CBX5: variants seen among roughly 807,000 people sequenced by gnomAD.
The protein encoded by CBX5 is chromobox 5.
Under a neutral mutation model 20.7 loss-of-function variants are expected in CBX5, and 7 were observed. That is an observed-to-expected ratio of 0.34 (90% CI 0.19 to 0.63). CBX5 has a LOEUF of 0.63. CBX5 is among the 30% of genes least tolerant of loss of function. The probability of loss-of-function intolerance (pLI) is 0.75; values close to 1 mark genes in which losing one functional copy is unlikely to be tolerated. For synonymous variants in CBX5, 78 were observed against 77.0 expected (o/e 1.01, Z -0.07); for missense variants, 110 against 224.1 (o/e 0.49, Z 3.25).
In CBX5 at chr12:54,233,602, A is replaced by C. The variant is rs2137003162; in HGVS notation, c.*8153T>G. ...GTAGGAAGTCCCCACATACAACAGA[A>C]ACTCAAAAGATGATTTATCAACACA... On this transcript the variant is annotated 3_prime_UTR_variant, in exon 5 of 5. Transcript: ENST00000209875. The C allele has an allele frequency of 6.6e-6, 1 of 152,258 alleles. No individual in the cohort carries two copies. The highest frequency in any genetic ancestry group is 2.1e-4 in the South Asian group (1 of 4,822). The allele number at this position is 152,258 out of a possible 1,614,324, so 9.4% of individuals were successfully genotyped here. A position where few individuals can be genotyped will look rare whatever the true frequency, so the allele number is the denominator to read the frequency against.
chr12:54,263,371 C>A (rs188639137), intron 1 of CBX5, among the ~76,000 whole-genome samples: 6 of 146,754 alleles, frequency 4.1e-5, no homozygotes, highest in Admixed American at 1.4e-4. Context: ...CAAAAAAAAA[C>A]CAAACAAAAA....
chr12:54,276,482 AT>A (rs1944069427), intron 1 of CBX5: 1 of 152,264 alleles, frequency 6.6e-6, no homozygotes, highest in Non-Finnish European at 1.5e-5. Flanking sequence ...TACTTGAAAT[AT>A]GGTTTCTACT....
At chr12:54,270,493 G>T (rs924785677) in intron 1 of CBX5, among the ~76,000 whole-genome samples, 2 of 152,132 alleles carry the variant, frequency 1.3e-5, no homozygotes, top group African/African-American at 2.4e-5. Context: ...GGCTGGTCTT[G>T]AACTCCTGAG....
Position 54,257,567 on chromosome 12 carries a change from C to A in CBX5, c.84G>T (p.Arg28Ser). 6.2e-7 allele frequency: 1 copy of A among 1,614,220 alleles called. No homozygotes were observed. Among genetic ancestry groups the A allele is most frequent in the Non-Finnish European group, 8.5e-7 (1 of 1,180,024 alleles). Residue 28 changes from arginine (R) to serine (S), a missense_variant, in exon 2 of 5, where the codon AGG becomes AGT. Transcript: ENST00000209875. ...EEYVVEKVLD[R>S]RVVKGQVEYL... ...ATTCCACTTGTCCCTTAACCACGCG[C>A]CTGTCTAGCACCTTCTCCACAACAT...
At chr12:54,253,773 T>A (rs1187560768) in intron 2 of CBX5, among the ~76,000 whole-genome samples, 1 of 151,588 alleles carries the variant, frequency 6.6e-6, no homozygotes, top group African/African-American at 2.4e-5. Flanking sequence ...ACAATTTTTT[T>A]TTTTTTTGAG....
chr12:54,249,868 G>C (rs763766464), intron 3 of CBX5, among the ~76,000 whole-genome samples: 3 of 151,944 alleles, frequency 2.0e-5, no homozygotes, highest in African/African-American at 7.2e-5. Flanking sequence ...AATTTTGTAC[G>C]CCAAGTATGT....
At chr12:54,250,697 C>T (rs1050144899) in intron 3 of CBX5, among the ~76,000 whole-genome samples, 5 of 142,624 alleles carry the variant, frequency 3.5e-5, no homozygotes, top group Admixed American at 7.0e-5. Context: ...CCCAGCTACT[C>T]GGGAGGCTGA....
rs147738295 is a variant in CBX5 at position 54,247,666 on chromosome 12, T to G, written c.325-1451A>C. 5.4e-3 allele frequency among the ~76,000 whole-genome samples: 817 copies of G among 152,158 alleles called. 2 individuals carry two copies. The highest frequency in any genetic ancestry group is 0.011 in the Admixed American group (170 of 15,260). On this transcript the variant is annotated intron_variant, in intron 3 of 4. Transcript: ENST00000209875. Reference sequence around the variant, plus strand: ...ACTGATGAGAGCCAAAAAGCAAAATTTTATACAAGCCAGGTAATTTTTTTT... The same window carrying G: ...ACTGATGAGAGCCAAAAAGCAAAATGTTATACAAGCCAGGTAATTTTTTTT...
intron 1 of CBX5, among the ~76,000 whole-genome samples, chr12:54,262,367 C>A (rs139261285): frequency 6.6e-6 from 1 of 152,374 alleles, no homozygotes; most frequent in Non-Finnish European, 1.5e-5. Flanking sequence ...CCTTTCCACC[C>A]TTAAGAACTG....
rs1214844627 is a variant in CBX5, at chr12:54,233,422, C to T, written c.*8333G>A. 3 of 152,150 alleles carry T rather than the reference C, an allele frequency of 2.0e-5. No individual in the cohort carries two copies. Among genetic ancestry groups the T allele is most frequent in the Admixed American group, 2.0e-4 (3 of 15,274 alleles). 9.4% of individuals were successfully genotyped at this position (152,150 alleles called of 1,614,324 possible). On this transcript the variant is annotated 3_prime_UTR_variant, in exon 5 of 5. Coordinates refer to ENST00000209875, the MANE Select transcript of CBX5 (RefSeq NM_012117.3). ...AAACACCAAACTCACCACCAGCCCTCGTTTAGAATCCAATCCTAAAGCTAC... is the reference window on the plus strand; with the variant it reads ...AAACACCAAACTCACCACCAGCCCTTGTTTAGAATCCAATCCTAAAGCTAC...
chr12:54,269,207 G>C (rs1041019666), intron 1 of CBX5, among the ~76,000 whole-genome samples: 2 of 151,974 alleles, frequency 1.3e-5, no homozygotes, highest in Admixed American at 6.6e-5. Flanking sequence ...AGGTTGCAGT[G>C]AGTCGAGATT....
At chr12:54,268,362 C>A (rs1485246217) in intron 1 of CBX5, among the ~76,000 whole-genome samples, 2 of 152,172 alleles carry the variant, frequency 1.3e-5, no homozygotes, top group Non-Finnish European at 2.9e-5. Flanking sequence ...GCCACAATAT[C>A]ATAAAAGTGT....
At chr12:54,251,982 A>G in intron 3 of CBX5, 59 bp downstream of exon 3, 1 of 1,321,902 alleles carries the variant, frequency 7.6e-7, no homozygotes, top group Non-Finnish European at 1.0e-6. Flanking sequence ...ACTTTTATTT[A>G]TTATTATTAT....
At chr12:54,263,762 C>CAAAAAAAAAAAA (rs66591051) in intron 1 of CBX5, among the ~76,000 whole-genome samples, 63 of 37,326 alleles carry the variant, frequency 1.7e-3, no homozygotes, top group Non-Finnish European at 2.2e-3. Flanking sequence ...GACTCTATCT[C>CAAAAAAAAAAAA]AAAAAAAAAA....
chr12:54,257,780 C>A, intron 1 of CBX5, 88 bp from the exon 2 acceptor site: 2 of 916,500 alleles, frequency 2.2e-6, no homozygotes, highest in Non-Finnish European at 1.7e-6. Flanking sequence ...GGGGATAACA[C>A]TGAGTTGCCA....
In CBX5 at chr12:54,236,562, G is replaced by A. The variant is rs1943624883; in HGVS notation, c.*5193C>T. ...ATGAAACTGCAATACACTGGCTCCA[G>A]ACCTTTCCTCTCTGCCTTGCCACAG... On this transcript the variant is annotated 3_prime_UTR_variant, in exon 5 of 5. Transcript: ENST00000209875. 3 of 152,214 alleles carry A rather than the reference G, an allele frequency of 2.0e-5. No homozygotes were observed. The highest frequency in any genetic ancestry group is 2.0e-4 in the Admixed American group (3 of 15,284). The allele number at this position is 152,214 out of a possible 1,614,324, so 9.4% of individuals were successfully genotyped here. A position where few individuals can be genotyped will look rare whatever the true frequency, so the allele number is the denominator to read the frequency against.
intron 3 of CBX5, among the ~76,000 whole-genome samples, chr12:54,246,974 CAATCTTTATTTTTTT>C (rs1943744024): frequency 6.6e-6 from 1 of 152,066 alleles, no homozygotes; most frequent in Admixed American, 6.6e-5. Flanking sequence ...ACCTCTCTCT[CAATCTTTATTTTTTT>C]AGACTTTTAG....
intron 3 of CBX5, among the ~76,000 whole-genome samples, chr12:54,248,632 T>C (rs1943761989): frequency 6.6e-6 from 1 of 152,214 alleles, no homozygotes; most frequent in Non-Finnish European, 1.5e-5. Flanking sequence ...ACAGCTGGAA[T>C]GCTGGTGCAT....
At chr12:54,251,332 C>A (rs1198043807) in intron 3 of CBX5, among the ~76,000 whole-genome samples, 1 of 151,540 alleles carries the variant, frequency 6.6e-6, no homozygotes. Context: ...TCCTGGCTAA[C>A]ATGGTAAAAC....
Sources: allele counts gnomAD v4.1 joint callset (sites outside exome capture counted in the v4.1 genomes callset), GRCh38; gene constraint gnomAD v4.1.1; transcripts MANE v1.5; gene names NCBI Gene and HGNC (gene_info 2026-07-23, HGNC 2026-07-21).